Variants in KIF21A observed in about 807,000 individuals in gnomAD.
KIF21A encodes kinesin family member 21A, also known as kinesin-like protein KIF21A.
KIF21A carries 114 observed loss-of-function variants against 202.9 expected under a neutral mutation model. The ratio of observed to expected loss-of-function variants is 0.56; its 90% confidence interval spans 0.48 to 0.66. The LOEUF (loss-of-function observed/expected upper bound fraction) is 0.66, where lower values mean the gene tolerates loss of function less well. Among genes scored for constraint, KIF21A ranks in the 30% least tolerant of loss-of-function variants. The pLI, the probability that KIF21A is intolerant of heterozygous loss-of-function variation, is 0.00. For missense variants in KIF21A, 1,677 were observed against 1,994.9 expected (o/e 0.84, Z 3.04); for synonymous variants, 667 against 670.8 (o/e 0.99, Z 0.09).
At chr12:39,331,263 C>T (rs983627702) in intron 22 of KIF21A, among the ~76,000 whole-genome samples, 4 of 151,272 alleles carry the variant, frequency 2.6e-5, no homozygotes, top group Middle Eastern at 3.2e-3. Context: ...CATTTGGGCA[C>T]GGTTTTCTTA....
intron 26 of KIF21A, among the ~76,000 whole-genome samples, chr12:39,325,286 T>C (rs969384862): frequency 6.6e-6 from 1 of 151,616 alleles, no homozygotes; most frequent in African/African-American, 2.4e-5. Context: ...TGTTATCTAG[T>C]GGGAAAAATA....
intron 1 of KIF21A, among the ~76,000 whole-genome samples, chr12:39,435,835 A>G (rs1219363820): frequency 6.6e-6 from 1 of 152,216 alleles, no homozygotes; most frequent in East Asian, 1.9e-4. Context: ...TTACATGTTT[A>G]AAATTATTTT....
At chr12:39,424,406 T>G (rs1282242730) in intron 1 of KIF21A, among the ~76,000 whole-genome samples, 2 of 152,240 alleles carry the variant, frequency 1.3e-5, no homozygotes, top group Non-Finnish European at 2.9e-5. Context: ...TCTTCATGGA[T>G]GAATGCATCC....
At chr12:39,421,549 C>T (rs561363544) in intron 1 of KIF21A, among the ~76,000 whole-genome samples, 101 of 151,688 alleles carry the variant, frequency 6.7e-4, no homozygotes, top group African/African-American at 2.3e-3. Flanking sequence ...ACAAATTAGC[C>T]GGGTGTGATA....
intron 37 of KIF21A, among the ~76,000 whole-genome samples, chr12:39,299,353 GA>G (rs988530990): frequency 1.3e-5 from 2 of 152,118 alleles, no homozygotes; most frequent in African/African-American, 4.8e-5. Flanking sequence ...ACTAGAATAT[GA>G]AAAAAAGCTC....
intron 32 of KIF21A, among the ~76,000 whole-genome samples, chr12:39,310,268 A>G (rs1943900742): frequency 6.6e-6 from 1 of 152,064 alleles, no homozygotes; most frequent in Non-Finnish European, 1.5e-5. Context: ...GATATGTTGA[A>G]TATCTAATTA....
chr12:39,364,819 A>G (rs1949490358), intron 6 of KIF21A, among the ~76,000 whole-genome samples: 1 of 152,200 alleles, frequency 6.6e-6, no homozygotes, highest in African/African-American at 2.4e-5. Context: ...AGATGATAAC[A>G]ACCTTTTCCT....
At chr12:39,410,841 G>A (rs531196701) in intron 1 of KIF21A, among the ~76,000 whole-genome samples, 1 of 152,000 alleles carries the variant, frequency 6.6e-6, no homozygotes, top group African/African-American at 2.4e-5. Flanking sequence ...GAAAATAAGA[G>A]AGCCCTCTCT....
At chr12:39,373,475 A>T (rs1950087531) in intron 1 of KIF21A, among the ~76,000 whole-genome samples, 1 of 152,160 alleles carries the variant, frequency 6.6e-6, no homozygotes, top group Non-Finnish European at 1.5e-5. Flanking sequence ...CTACCTCATT[A>T]ACTCCAAGTC....
chr12:39,346,565 A>C (rs564608434), intron 11 of KIF21A, 61 bp from the exon 12 acceptor site: 2 of 1,202,168 alleles, frequency 1.7e-6, no homozygotes, highest in East Asian at 6.0e-5. Context: ...ACCAGACAGT[A>C]AAAAGCGAAA....
chr12:39,364,754 C>T (rs1287273114), intron 6 of KIF21A, among the ~76,000 whole-genome samples: 1 of 152,184 alleles, frequency 6.6e-6, no homozygotes, highest in Non-Finnish European at 1.5e-5. Flanking sequence ...TGCCCTTGTT[C>T]ATTCCTATGC....
Position 39,442,334 on chromosome 12 carries a change from T to G in KIF21A, c.44+593A>C, listed in dbSNP as rs1214545769. ...CACCCAAGAGGCTAGATCTGTCTCC[T>G]CTACCCACACGCGGGGGCATGTCTA... is the stretch of plus-strand genomic sequence containing the variant. On this transcript the variant is annotated intron_variant, in intron 1 of 37. Transcript: ENST00000361418. The surrounding 1 kb of genome is among the most constrained non-coding windows in gnomAD (Gnocchi z 5.0). 6.6e-6 allele frequency among the ~76,000 whole-genome samples: 1 copy of G among 152,100 alleles called. No individual in the cohort carries two copies. Among genetic ancestry groups the G allele is most frequent in the Admixed American group, 6.5e-5 (1 of 15,280 alleles).
chr12:39,394,492 G>C (rs1380308914), intron 1 of KIF21A, among the ~76,000 whole-genome samples: 1 of 152,120 alleles, frequency 6.6e-6, no homozygotes, highest in African/African-American at 2.4e-5. Context: ...TATGTACCAG[G>C]CACTGATTTA....
At chr12:39,404,463 G>A (rs1443432251) in intron 1 of KIF21A, among the ~76,000 whole-genome samples, 1 of 152,114 alleles carries the variant, frequency 6.6e-6, no homozygotes, top group Non-Finnish European at 1.5e-5. Flanking sequence ...CATATTTGGG[G>A]TATTCATTTC....
chr12:39,298,458 T>C (rs1942630882), intron 37 of KIF21A, among the ~76,000 whole-genome samples: 1 of 152,142 alleles, frequency 6.6e-6, no homozygotes, highest in Non-Finnish European at 1.5e-5. Flanking sequence ...CTATGAGATG[T>C]TCAATTTCTG....
intron 1 of KIF21A, among the ~76,000 whole-genome samples, chr12:39,423,720 A>G (rs1228877342): frequency 6.6e-6 from 1 of 151,942 alleles, no homozygotes; most frequent in Non-Finnish European, 1.5e-5. Flanking sequence ...ATGGTGGCTC[A>G]TGCCTGTAAT....
intron 11 of KIF21A, among the ~76,000 whole-genome samples, chr12:39,347,906 C>T (rs1013615257): frequency 2.0e-5 from 3 of 151,342 alleles, no homozygotes; most frequent in South Asian, 2.1e-4. Flanking sequence ...AAATTTTCCT[C>T]GTCCACATAC....
chr12:39,390,527 T>G (rs914448497), intron 1 of KIF21A, among the ~76,000 whole-genome samples: 3 of 152,092 alleles, frequency 2.0e-5, no homozygotes, highest in African/African-American at 7.2e-5. Flanking sequence ...AATGAAAACC[T>G]AAGATCTAAA....
chr12:39,306,847 C>T (rs1943522532), intron 34 of KIF21A, among the ~76,000 whole-genome samples: 1 of 152,148 alleles, frequency 6.6e-6, no homozygotes, highest in African/African-American at 2.4e-5. Flanking sequence ...CTTGCTCTGT[C>T]TTTATTCCTA....
Sources: gnomAD v4.1 joint callset for allele counts (sites outside exome capture counted in the v4.1 genomes callset) on GRCh38, gnomAD v4.1.1 for gene constraint, Gnocchi (gnomAD v3.1) non-coding constraint, MANE v1.5 for transcripts, NCBI Gene and HGNC (gene_info 2026-07-23, HGNC 2026-07-21) for gene names.